ZNF704: variants seen among roughly 807,000 people sequenced by gnomAD.
The protein encoded by ZNF704 is glucocorticoid induced gene 1.
Under a neutral mutation model 44.7 loss-of-function variants are expected in ZNF704, and 10 were observed. The observed-to-expected ratio is 0.22, with a 90% CI of 0.14 to 0.38. The LOEUF (loss-of-function observed/expected upper bound fraction) is 0.38, where lower values mean the gene tolerates loss of function less well. Ranked by LOEUF, ZNF704 falls within the 10% of genes least tolerant of loss-of-function variation. The pLI, the probability that ZNF704 is intolerant of heterozygous loss-of-function variation, is 1.00. For synonymous variants in ZNF704, 211 were observed against 207.6 expected, an observed-to-expected ratio of 1.02 and a Z score of -0.14; for missense variants, 390 against 545.5, an observed-to-expected ratio of 0.71 and a Z score of 2.84.
intron 7 of ZNF704, among the ~76,000 whole-genome samples, chr8:80,652,584 C>A (rs1451073013): frequency 2.6e-5 from 4 of 152,152 alleles, no homozygotes; most frequent in Non-Finnish European, 5.9e-5. Context: ...TGGATAAATT[C>A]CTCGACACAC....
rs189228216 is a variant in ZNF704, at chr8:80,809,824, T to C, written c.221+11550A>G. On this transcript the variant is annotated intron_variant, in intron 2 of 8. Transcript: ENST00000327835. ...AAAGGGATCTTAAATTCAAGATGTC[T>C]TAGAACAAACTTCTGATTTCCCTCC... Among the ~76,000 whole-genome samples, 4 of 152,312 alleles carry C rather than the reference T, an allele frequency of 2.6e-5. No individual in the cohort carries two copies. In the East Asian group the frequency reaches 7.7e-4, roughly 29 times the overall value.
At chr8:80,778,618 AACGGTAG>A (rs1807454327) in intron 2 of ZNF704, among the ~76,000 whole-genome samples, 3 of 152,074 alleles carry the variant, frequency 2.0e-5, no homozygotes. Context: ...AATGCCCACC[AACGGTAG>A]ACTGTATAAA....
intron 1 of ZNF704, among the ~76,000 whole-genome samples, chr8:80,826,042 C>T (rs947340657): frequency 3.3e-5 from 5 of 151,064 alleles, no homozygotes; most frequent in Admixed American, 6.6e-5. Context: ...CAAACACATC[C>T]AAAAGCTAGC....
At chr8:80,647,378 G>C (rs756655810) in intron 7 of ZNF704, among the ~76,000 whole-genome samples, 1 of 152,160 alleles carries the variant, frequency 6.6e-6, no homozygotes, top group African/African-American at 2.4e-5. Context: ...GAGAGGAGAC[G>C]GAAGTATCAA....
chr8:80,769,252 TATTAA>T (rs551658988), intron 2 of ZNF704, among the ~76,000 whole-genome samples: 1 of 152,208 alleles, frequency 6.6e-6, no homozygotes, highest in Admixed American at 6.5e-5. Flanking sequence ...ACTCAGCAAT[TATTAA>T]ATTAAACTTT....
intron 2 of ZNF704, among the ~76,000 whole-genome samples, chr8:80,741,416 T>G (rs139363318): frequency 1.3e-5 from 2 of 152,104 alleles, no homozygotes; most frequent in African/African-American, 4.8e-5. Flanking sequence ...CATACTTGAG[T>G]AAGAAAATTG....
At chr8:80,870,805 T>C (rs536934792) in intron 1 of ZNF704, among the ~76,000 whole-genome samples, 67 of 152,186 alleles carry the variant, frequency 4.4e-4, no homozygotes, top group African/African-American at 1.5e-3. Flanking sequence ...TTCCTCCCAC[T>C]ATCCCTGACC....
intron 2 of ZNF704, among the ~76,000 whole-genome samples, chr8:80,756,732 T>C (rs768897117): frequency 6.6e-6 from 1 of 152,254 alleles, no homozygotes; most frequent in Non-Finnish European, 1.5e-5. Flanking sequence ...CATCATCATA[T>C]GTAATTCACT....
At chr8:80,857,807 T>C (rs1808988854) in intron 1 of ZNF704, among the ~76,000 whole-genome samples, 1 of 152,190 alleles carries the variant, frequency 6.6e-6, no homozygotes, top group East Asian at 1.9e-4. Flanking sequence ...CTTCCTTAAG[T>C]ATTTTATAGA....
rs1808466553 is a variant in ZNF704 at position 80,831,160 on chromosome 8, AAAT to A, written c.-21-9548_-21-9546del. On this transcript the variant is annotated intron_variant, in intron 1 of 8. Transcript: ENST00000327835. ...CTTAAAAACAAAACCAAAGAAAACA[AAAT>A]AAAACAGAGATGGCATGGCAACCCA... 3.3e-5 allele frequency among the ~76,000 whole-genome samples: 5 copies of A among 152,274 alleles called. No individual in the cohort carries two copies. In the South Asian group the frequency reaches 8.3e-4, roughly 25 times the overall value.
At chr8:80,809,870 G>T (rs899295553) in intron 2 of ZNF704, among the ~76,000 whole-genome samples, 7 of 151,960 alleles carry the variant, frequency 4.6e-5, no homozygotes, top group Non-Finnish European at 8.8e-5. Flanking sequence ...ACTTTCTTTT[G>T]TATTACTCCT....
At chr8:80,646,620 T>C (rs1442477627) in intron 7 of ZNF704, among the ~76,000 whole-genome samples, 1 of 152,186 alleles carries the variant, frequency 6.6e-6, no homozygotes, top group African/African-American at 2.4e-5. Context: ...TCAGAGTTTT[T>C]AAAAATAAAA....
At position 80,725,573 on chromosome 8, in the gene ZNF704, C is replaced by T. The variant is rs139268643; in HGVS notation, c.222-32466G>A. Among the ~76,000 whole-genome samples the T allele has an allele frequency of 4.5e-4, 69 of 152,130 alleles. No individual in the cohort carries two copies. The East Asian group carries it at 0.011, about 24-fold the overall frequency. On this transcript the variant is annotated intron_variant, in intron 2 of 8. Transcript: ENST00000327835. ...GGGGAAAAGAGGAAGTTATGGGAGA[C>T]GATGCTGGAAAAGTAATGAGGGCCC...
At position 80,632,743 on chromosome 8, in the gene ZNF704, G is replaced by A. The variant is rs1480421; in HGVS notation, c.*8623C>T. The A allele has an allele frequency of 1.3e-5, 2 of 152,092 alleles. No homozygotes were observed. Among genetic ancestry groups the A allele is most frequent in the Admixed American group, 1.3e-4 (2 of 15,272 alleles). 9.4% of individuals were successfully genotyped at this position (152,092 alleles called of 1,614,324 possible). On this transcript the variant is annotated 3_prime_UTR_variant, in exon 9 of 9. Transcript: ENST00000327835. ...CAAAATCTGTGGTTACCTGCTTTCG[G>A]AACCATAGCTTTCTTCTTTCTTTCT...
intron 1 of ZNF704, among the ~76,000 whole-genome samples, chr8:80,853,551 A>G (rs1808906551): frequency 6.6e-6 from 1 of 151,798 alleles, no homozygotes; most frequent in African/African-American, 2.4e-5. Context: ...GCAATGGAGG[A>G]AAAAAAAATT....
intron 2 of ZNF704, among the ~76,000 whole-genome samples, chr8:80,779,557 C>G (rs1807475445): frequency 6.6e-6 from 1 of 152,008 alleles, no homozygotes; most frequent in Non-Finnish European, 1.5e-5. Flanking sequence ...GACACTAAAC[C>G]TTAAAATCAA....
upstream of ZNF704, among the ~76,000 whole-genome samples, chr8:80,878,995 A>G (rs1809393225): frequency 6.6e-6 from 1 of 152,194 alleles, no homozygotes; most frequent in African/African-American, 2.4e-5. Flanking sequence ...TTGAGATTCC[A>G]GAGATTTGAG....
chr8:80,764,507 T>G (rs1807194426), intron 2 of ZNF704, among the ~76,000 whole-genome samples: 1 of 152,184 alleles, frequency 6.6e-6, no homozygotes, highest in African/African-American at 2.4e-5. Context: ...ACATGGGGAT[T>G]ACAATTTGAG....
chr8:80,681,006 A>C (rs1818444466), intron 4 of ZNF704, among the ~76,000 whole-genome samples: 1 of 152,090 alleles, frequency 6.6e-6, no homozygotes, highest in South Asian at 2.1e-4. Flanking sequence ...CCCCCTCTGC[A>C]TAATGTTTTT....
Sources: gnomAD v4.1 joint callset for allele counts (sites outside exome capture counted in the v4.1 genomes callset) on GRCh38, gnomAD v4.1.1 for gene constraint, MANE v1.5 for transcripts, NCBI Gene and HGNC (gene_info 2026-07-23, HGNC 2026-07-21) for gene names.